Variants in TBC1D1 observed in about 807,000 individuals in gnomAD.
TBC1D1 encodes TBC1 domain family member 1, also known as TBC1 (tre-2/USP6, BUB2, cdc16) domain family, member 1.
Under a neutral mutation model 125.6 loss-of-function variants are expected in TBC1D1, and 89 were observed. The ratio of observed to expected loss-of-function variants is 0.71; its 90% CI spans 0.60 to 0.85. TBC1D1 has a LOEUF of 0.85. Ranked by LOEUF, TBC1D1 falls within the 40% of genes least tolerant of loss-of-function variation. The pLI is 0.00. For synonymous variants in TBC1D1, 565 were observed against 564.1 expected, an observed-to-expected ratio of 1.00 and a Z score of -0.02; for missense variants, 1,377 against 1,469.2, an observed-to-expected ratio of 0.94 and a Z score of 1.03.
chr4:38,137,152 C>T lies in TBC1D1; in HGVS notation c.3324C>T (p.Ile1108=). 6.2e-7 allele frequency: 1 copy of T among 1,613,472 alleles called. No homozygotes were observed. Among genetic ancestry groups the T allele is most frequent in the African/African-American group, 1.3e-5 (1 of 75,010 alleles). The stretch of plus-strand genomic sequence containing the variant: ...TTCTCCAGGTGGCAAATGGTAGGAT[C>T]CAAAGCCTTGAGGCCACCATTGAGA... The change falls in exon 20 of 20, where the codon ATC becomes ATT. Residue 1108 remains isoleucine (I), a synonymous_variant. Coordinates refer to ENST00000261439, the MANE Select transcript of TBC1D1 (RefSeq NM_015173.4).
intron 2 of TBC1D1, among the ~76,000 whole-genome samples, chr4:37,949,573 T>G (rs1727407166): frequency 6.6e-6 from 1 of 152,234 alleles, no homozygotes. Context: ...TCAGACTGTC[T>G]GAAAATCCCT....
intron 12 of TBC1D1, among the ~76,000 whole-genome samples, chr4:38,069,241 CTGAT>C (rs1305451829): frequency 6.6e-6 from 1 of 152,170 alleles, no homozygotes; most frequent in Non-Finnish European, 1.5e-5. Flanking sequence ...TAAGCCATAA[CTGAT>C]TGAGTATCAC....
chr4:38,044,294 A>G, intron 8 of TBC1D1, 68 bp from the exon 9 acceptor site: 1 of 1,530,586 alleles, frequency 6.5e-7, no homozygotes, highest in Non-Finnish European at 8.8e-7. Context: ...TGTGTCCTAG[A>G]GATTTTTCAT....
chr4:38,089,951 G>C lies in TBC1D1; in HGVS notation c.2070G>C (p.Glu690Asp), dbSNP rs1172845245. ...TTCCAGATTATTCAGAGCTGGGAGA[G>C]CTTCCCCCACGATCTCCTTTAGAAC... The change falls in exon 13 of 20, where the codon GAG (glutamate) becomes GAC (aspartate). Residue 690 changes from glutamate (E) to aspartate (D), a missense_variant. Glu to Asp is a conservative substitution (Grantham distance 45, BLOSUM62 2). Around this residue, in one of 3 missense-constraint regions of TBC1D1, gnomAD observed 543 missense variants for 613.5 expected, o/e 0.89. Coordinates refer to ENST00000261439, the MANE Select transcript of TBC1D1 (RefSeq NM_015173.4). 1.3e-6 allele frequency: 2 copies of C among 1,592,222 alleles called. No homozygotes were observed. The highest frequency in any genetic ancestry group is 2.7e-5 in the African/African-American group (2 of 73,514).
chr4:37,997,252 T>C (rs1469272467), intron 2 of TBC1D1, among the ~76,000 whole-genome samples: 2 of 152,252 alleles, frequency 1.3e-5, no homozygotes, highest in Non-Finnish European at 2.9e-5. Context: ...CTTAGATAAT[T>C]ATCTATGCAA....
At chr4:38,067,007 G>C (rs565707815) in intron 12 of TBC1D1, among the ~76,000 whole-genome samples, 121 of 151,940 alleles carry the variant, frequency 8.0e-4, no homozygotes, top group Middle Eastern at 3.4e-3. Context: ...CTCCCGAGTA[G>C]CTGGGATTAC....
In TBC1D1 at chr4:38,046,607, G is replaced by T. The variant is rs1332510307; in HGVS notation, c.1629+704G>T. On this transcript the variant is annotated intron_variant, in intron 10 of 19. Coordinates refer to ENST00000261439, the MANE Select transcript of TBC1D1 (RefSeq NM_015173.4). ...CAAATAGTGAACATTGTACCCAGTA[G>T]GTAATTTTTCAACCTTCACACCCCC... is the stretch of plus-strand genomic sequence containing the variant. 4.6e-5 allele frequency among the ~76,000 whole-genome samples: 7 copies of T among 152,194 alleles called. No homozygotes were observed. The East Asian group carries it at 1.2e-3, about 25-fold the overall frequency.
chr4:38,006,469 A>G (rs947932414), intron 2 of TBC1D1, among the ~76,000 whole-genome samples: 1 of 141,480 alleles, frequency 7.1e-6, no homozygotes. Context: ...TGAGGGACCA[A>G]CACTATTTTT....
intron 17 of TBC1D1, among the ~76,000 whole-genome samples, chr4:38,121,180 C>T (rs569705242): frequency 1.3e-5 from 2 of 152,276 alleles, no homozygotes; most frequent in Admixed American, 6.5e-5. Context: ...CCCCTTTACC[C>T]GTTACTCATA....
At chr4:38,039,487 T>C (rs761653995) in intron 8 of TBC1D1, among the ~76,000 whole-genome samples, 7 of 152,166 alleles carry the variant, frequency 4.6e-5, no homozygotes, top group Non-Finnish European at 8.8e-5. Flanking sequence ...AGAAACGTTA[T>C]GCTACATTGT....
chr4:38,021,116 A>T (rs1234531835), intron 5 of TBC1D1, among the ~76,000 whole-genome samples: 1 of 152,258 alleles, frequency 6.6e-6, no homozygotes, highest in Non-Finnish European at 1.5e-5. Flanking sequence ...GCGAGGCCTC[A>T]CAATCATGGC....
chr4:38,137,349 G>A lies in TBC1D1; in HGVS notation c.*14G>A. ...ACGGGCGACTGACAGCTCTGCAGGAGAGATTGCAACACCATCCCACACTGT... is the reference window on the plus strand; with the variant it reads ...ACGGGCGACTGACAGCTCTGCAGGAAAGATTGCAACACCATCCCACACTGT... On this transcript the variant is annotated 3_prime_UTR_variant, in exon 20 of 20. Transcript: ENST00000261439. 6.2e-7 allele frequency: 1 copy of A among 1,607,664 alleles called. No individual in the cohort carries two copies. The highest frequency in any genetic ancestry group is 2.2e-5 in the East Asian group (1 of 44,812).
At chr4:38,052,125 A>T in intron 11 of TBC1D1, 65 bp downstream of exon 12, 2 of 1,478,982 alleles carry the variant, frequency 1.4e-6, no homozygotes, top group Non-Finnish European at 1.8e-6. Context: ...ACTGATGAGG[A>T]TGTGCTGAAT....
chr4:38,012,916 C>G (rs56078891), intron 2 of TBC1D1, among the ~76,000 whole-genome samples: 2,687 of 152,250 alleles, frequency 0.018, 88 homozygotes, highest in African/African-American at 0.061. Context: ...GCCTCGGCCT[C>G]CCAAGTAGCT....
chr4:37,952,911 G>GA (rs1240618602), intron 2 of TBC1D1: 1 of 152,240 alleles, frequency 6.6e-6, no homozygotes, highest in Non-Finnish European at 1.5e-5. Flanking sequence ...GGGGGCTGCA[G>GA]AAAAATTGTG....
At chr4:38,065,340 C>T (rs1350499971) in intron 12 of TBC1D1, among the ~76,000 whole-genome samples, 2 of 152,158 alleles carry the variant, frequency 1.3e-5, no homozygotes, top group Admixed American at 1.3e-4. Flanking sequence ...GGTTACGCCC[C>T]CAAATGTCTG....
intron 15 of TBC1D1, among the ~76,000 whole-genome samples, chr4:38,113,968 G>C (rs1475054051): frequency 6.6e-6 from 1 of 152,136 alleles, no homozygotes; most frequent in Non-Finnish European, 1.5e-5. Flanking sequence ...TTTCTAATGT[G>C]GGTGCTAGAA....
At chr4:37,960,739 G>A (rs752487293) in intron 2 of TBC1D1, 1 of 1,614,144 alleles carries the variant, frequency 6.2e-7, no homozygotes, top group South Asian at 1.1e-5. Context: ...AAAACAAAAA[G>A]TTCTGTTCCT....
At chr4:38,010,418 C>A (rs1296297405) in intron 2 of TBC1D1, among the ~76,000 whole-genome samples, 1 of 152,192 alleles carries the variant, frequency 6.6e-6, no homozygotes, top group African/African-American at 2.4e-5. Context: ...TGTCTTGGCA[C>A]TCCCTTCCTT....
Sources: gnomAD v4.1 joint callset for allele counts (sites outside exome capture counted in the v4.1 genomes callset) on GRCh38, gnomAD v4.1.1 for gene constraint, gnomAD v4.1.1 regional missense constraint, MANE v1.5 for transcripts, NCBI Gene and HGNC (gene_info 2026-07-23, HGNC 2026-07-21) for gene names.